The following WDFY3 variants were observed in gnomAD, a reference collection of about 807,000 sequenced individuals.
WDFY3 encodes WD repeat and FYVE domain containing 3.
A neutral mutation model predicts 409.6 loss-of-function variants in WDFY3; 66 were observed. That is an observed-to-expected ratio of 0.16 (90% confidence interval 0.13 to 0.20). The LOEUF is 0.20. Ranked by LOEUF, WDFY3 falls within the 10% of genes least tolerant of loss-of-function variation. WDFY3 has a pLI of 1.00. For synonymous variants in WDFY3, 1,521 were observed against 1,537.1 expected, an observed-to-expected ratio of 0.99 and a Z score of 0.25; for missense variants, 3,031 against 4,298.1, an observed-to-expected ratio of 0.71 and a Z score of 8.24.
intron 53 of WDFY3, among the ~76,000 whole-genome samples, chr4:84,705,736 G>A (rs1731821867): frequency 6.6e-6 from 1 of 152,186 alleles, no homozygotes; most frequent in African/African-American, 2.4e-5. Context: ...TGGAAGACAA[G>A]TGCTTTGGAA....
intron 16 of WDFY3, among the ~76,000 whole-genome samples, chr4:84,802,959 A>G (rs1046200171): frequency 1.3e-5 from 2 of 152,340 alleles, no homozygotes; most frequent in Admixed American, 1.3e-4. Flanking sequence ...AATAGCCTCA[A>G]TGTAGTATCT....
intron 3 of WDFY3, among the ~76,000 whole-genome samples, chr4:84,896,207 G>A (rs939698076): frequency 6.6e-6 from 1 of 151,998 alleles, no homozygotes; most frequent in African/African-American, 2.4e-5. Context: ...AGTGAGCCGA[G>A]ATTGTGCCAC....
In WDFY3 at chr4:84,673,117, G is replaced by A. The variant is rs563214025; in HGVS notation, c.10458-126C>T. On this transcript the variant is annotated intron_variant, in intron 67 of 67. Coordinates refer to ENST00000295888, the MANE Select transcript of WDFY3 (RefSeq NM_014991.6). ...CAAAGGCCATACTGGTTTGTGTTGT[G>A]TGGCTGAACAAGGACTAAAAGGAAA... 34 of 1,261,176 alleles carry A rather than the reference G, an allele frequency of 2.7e-5. No homozygotes were observed. The African/African-American group carries it at 5.0e-4, about 18-fold the overall frequency. The allele number at this position is 1,261,176 out of a possible 1,614,324, so 78.1% of individuals were successfully genotyped here.
intron 25 of WDFY3, among the ~76,000 whole-genome samples, chr4:84,781,145 T>C (rs1024854082): frequency 6.6e-6 from 1 of 151,948 alleles, no homozygotes; most frequent in Non-Finnish European, 1.5e-5. Flanking sequence ...CTTGGTTAAG[T>C]AATCTGTGTA....
intron 39 of WDFY3, among the ~76,000 whole-genome samples, chr4:84,739,625 T>C (rs1738052062): frequency 6.6e-6 from 1 of 152,104 alleles, no homozygotes; most frequent in Non-Finnish European, 1.5e-5. Context: ...CAGCAGGTAT[T>C]TCTTTCAGGT....
chr4:84,961,311 G>C (rs1774884395), intron 1 of WDFY3, among the ~76,000 whole-genome samples: 1 of 151,500 alleles, frequency 6.6e-6, no homozygotes, highest in Admixed American at 6.6e-5. Context: ...ACAATTCAAT[G>C]AGTTTACAGA....
chr4:84,811,658 G>A (rs1417201118), intron 13 of WDFY3, among the ~76,000 whole-genome samples: 1 of 152,092 alleles, frequency 6.6e-6, no homozygotes. Flanking sequence ...GTAGCACAAT[G>A]GGTATCTACT....
At position 84,850,171 on chromosome 4, in the gene WDFY3, CA is replaced by C; in HGVS notation, c.181-147del. On this transcript the variant is annotated intron_variant, in intron 4 of 67. Transcript: ENST00000295888. Reference sequence around the variant, plus strand: ...TTTGAATCTTAATATGTTGAAAATACAACGCTTTCAATAAATCACATGTCTA... The same window carrying C: ...TTTGAATCTTAATATGTTGAAAATACACGCTTTCAATAAATCACATGTCTA... 4 of 767,538 alleles carry C rather than the reference CA, an allele frequency of 5.2e-6. No individual in the cohort carries two copies. The South Asian group carries it at 7.4e-5, about 14-fold the overall frequency. 47.5% of individuals were successfully genotyped at this position (767,538 alleles called of 1,614,324 possible).
intron 15 of WDFY3, chr4:84,804,159 A>G (rs2149676944): frequency 6.6e-6 from 1 of 152,294 alleles, no homozygotes; most frequent in East Asian, 1.9e-4. Flanking sequence ...GAATGTACAC[A>G]TTTCTTCTCA....
At position 84,808,347 on chromosome 4, in the gene WDFY3, A is replaced by C. The variant is rs1298577197; in HGVS notation, c.2416T>G (p.Leu806Val). 6.2e-7 allele frequency: 1 copy of C among 1,613,876 alleles called. No homozygotes were observed. The highest frequency in any genetic ancestry group is 1.1e-5 in the South Asian group (1 of 91,076). The change falls in exon 15 of 68, where the codon TTG (leucine) becomes GTG (valine). Residue 806 changes from leucine (L) to valine (V), a missense_variant. Transcript: ENST00000295888. ...SLPSPWGTPA[L>V]SRKRHAYHSV... is the part of the protein sequence containing the mutation. ...TATGATCAGTACCTTTTCCTGGACA[A>C]AGCTGGTGTACCCCAAGGAGAGGGG... is the stretch of plus-strand genomic sequence containing the variant.
Position 84,717,100 on chromosome 4 carries a change from C to T in WDFY3, c.7755-84G>A, listed in dbSNP as rs1286384287. The T allele has an allele frequency of 2.2e-6, 3 of 1,389,696 alleles. No individual in the cohort carries two copies. In the African/African-American group the frequency reaches 4.4e-5, roughly 21 times the overall value. The allele number at this position is 1,389,696 out of a possible 1,614,324, so 86.1% of individuals were successfully genotyped here. A position where few individuals can be genotyped will look rare whatever the true frequency, so the allele number is the denominator to read the frequency against. On this transcript the variant is annotated intron_variant, in intron 48 of 67. Transcript: ENST00000295888. ...CCATAAAGGGCGTGCTAATTTTAAA[C>T]ACATGAACAGGATGGAGGAGTAATA...
In WDFY3 at chr4:84,677,195, T is replaced by A; in HGVS notation, c.10457+4A>T. On this transcript the variant is annotated splice_donor_region_variant and intron_variant, in intron 67 of 67. Transcript: ENST00000295888. ...AAATTCAAAAAGCAGATATCTTATC[T>A]TACTTCTGGCAGAAGAGCTGACCAC... The A allele has an allele frequency of 6.2e-7, 1 of 1,614,158 alleles. No individual in the cohort carries two copies. The highest frequency in any genetic ancestry group is 8.5e-7 in the Non-Finnish European group (1 of 1,180,006).
At chr4:84,726,546 A>G (rs1194939354) in intron 45 of WDFY3, among the ~76,000 whole-genome samples, 1 of 152,134 alleles carries the variant, frequency 6.6e-6, no homozygotes, top group Non-Finnish European at 1.5e-5. Flanking sequence ...CCCATTACTA[A>G]CATGCCTCAT....
intron 2 of WDFY3, among the ~76,000 whole-genome samples, chr4:84,920,110 T>C (rs1390943520): frequency 1.3e-5 from 2 of 152,188 alleles, no homozygotes; most frequent in African/African-American, 4.8e-5. Flanking sequence ...GATGACTGTG[T>C]ACTTTTAAAA....
chr4:84,691,930 G>T, intron 59 of WDFY3, 145 bp from the exon 60 acceptor site: 1 of 860,164 alleles, frequency 1.2e-6, no homozygotes, highest in Non-Finnish European at 1.7e-6. Context: ...AATAGAGCTG[G>T]GCTTTTGAAT....
In WDFY3 at chr4:84,881,206, T is replaced by A. The variant is rs529447272; in HGVS notation, c.-32+15705A>T. Among the ~76,000 whole-genome samples, 283 of 152,294 alleles carry A rather than the reference T, an allele frequency of 1.9e-3. 2 individuals are homozygous for A. The highest frequency in any genetic ancestry group is 6.5e-3 in the African/African-American group (271 of 41,552). On this transcript the variant is annotated intron_variant, in intron 3 of 67. Transcript: ENST00000295888. ...CATACTTTTATTTTAATCCTTCTAT[T>A]TCAATCTGTGTATTATTCTCTTCAT... is the stretch of plus-strand genomic sequence containing the variant.
At chr4:84,859,036 A>G (rs887623379) in intron 4 of WDFY3, among the ~76,000 whole-genome samples, 3 of 152,068 alleles carry the variant, frequency 2.0e-5, no homozygotes, top group African/African-American at 7.2e-5. Flanking sequence ...ACAGGATAAA[A>G]AAGACAGACA....
intron 1 of WDFY3, among the ~76,000 whole-genome samples, chr4:84,933,957 GT>G (rs1295566432): frequency 3.6e-4 from 54 of 152,030 alleles, no homozygotes; most frequent in Non-Finnish European, 4.0e-4. Flanking sequence ...CCGAATCTTG[GT>G]TATTGGTAAC....
At chr4:84,838,039 G>T (rs1203982234) in intron 6 of WDFY3, among the ~76,000 whole-genome samples, 1 of 152,112 alleles carries the variant, frequency 6.6e-6, no homozygotes, top group East Asian at 1.9e-4. Context: ...GCCAGGAATG[G>T]CATTAAAAAG....
Sources: gnomAD v4.1 joint callset for allele counts (sites outside exome capture counted in the v4.1 genomes callset) on GRCh38, gnomAD v4.1.1 for gene constraint, MANE v1.5 for transcripts, NCBI Gene and HGNC (gene_info 2026-07-23, HGNC 2026-07-21) for gene names.